Variants in MAGI1 observed in about 807,000 individuals in gnomAD.
MAGI1 encodes the protein membrane-associated guanylate kinase, WW and PDZ domain-containing protein 1.
MAGI1 carries 58 observed loss-of-function variants against 139.9 expected under a neutral mutation model. That is an observed-to-expected ratio of 0.41 (90% CI 0.34 to 0.52). The LOEUF (loss-of-function observed/expected upper bound fraction) is 0.52. Among genes scored for constraint, MAGI1 ranks in the 20% least tolerant of loss-of-function variants. The pLI is 0.12. For missense variants in MAGI1, 1,874 were observed against 1,901.6 expected (o/e 0.99, Z 0.27); for synonymous variants, 812 against 737.9 (o/e 1.10, Z -1.63).
chr3:65,627,782 A>AG (rs1296452542), intron 1 of MAGI1, among the ~76,000 whole-genome samples: 2 of 151,992 alleles, frequency 1.3e-5, no homozygotes, highest in African/African-American at 4.8e-5. Flanking sequence ...CTAGGATTAC[A>AG]GGCTTGAGCC....
intron 1 of MAGI1, among the ~76,000 whole-genome samples, chr3:65,959,780 C>T (rs1449787162): frequency 7.8e-6 from 1 of 128,402 alleles, no homozygotes; most frequent in Non-Finnish European, 1.6e-5. Context: ...TCTTAATGGA[C>T]AAATAAATAA....
intron 2 of MAGI1, among the ~76,000 whole-genome samples, chr3:65,568,478 C>T (rs1355074175): frequency 6.6e-6 from 1 of 152,136 alleles, no homozygotes; most frequent in African/African-American, 2.4e-5. Context: ...GGAGTCACTG[C>T]GTATGAGCAA....
chr3:65,534,987 C>T (rs540167007), intron 2 of MAGI1, among the ~76,000 whole-genome samples: 3 of 152,118 alleles, frequency 2.0e-5, no homozygotes, highest in Non-Finnish European at 4.4e-5. Flanking sequence ...ATGTGGGGGA[C>T]AAGGCACCAT....
intron 1 of MAGI1, among the ~76,000 whole-genome samples, chr3:65,635,222 A>G (rs1187610922): frequency 3.9e-5 from 6 of 151,928 alleles, no homozygotes; most frequent in Non-Finnish European, 8.8e-5. Context: ...GTGCCACCAC[A>G]TCCAGCTAAT....
intron 12 of MAGI1, among the ~76,000 whole-genome samples, chr3:65,409,072 G>T (rs76967205): frequency 3.9e-5 from 6 of 152,168 alleles, no homozygotes; most frequent in Non-Finnish European, 5.9e-5. Flanking sequence ...TGAAGAGACC[G>T]TATTTGAGCT....
Position 66,038,391 on chromosome 3 carries a change from C to A in MAGI1, c.-83G>T. 6.7e-7 allele frequency: 1 copy of A among 1,488,468 alleles called. No individual in the cohort carries two copies. The highest frequency in any genetic ancestry group is 1.4e-5 in the South Asian group (1 of 73,670). 92.2% of individuals were successfully genotyped at this position (1,488,468 alleles called of 1,614,324 possible). On this transcript the variant is annotated 5_prime_UTR_variant, in exon 1 of 23. It removes an upstream start codon present in the reference 5' UTR. Transcript: ENST00000402939. ...ACGAGCCCCCAAGCCTCCGCTTGTT[C>A]ATGGGAGAAACATCTCTCCCCAAAT...
chr3:65,705,590 C>CA (rs1175959054), intron 1 of MAGI1, among the ~76,000 whole-genome samples: 1 of 152,232 alleles, frequency 6.6e-6, no homozygotes, highest in African/African-American at 2.4e-5. Context: ...ATGAGTATCA[C>CA]ATTCAATTGC....
At chr3:65,996,888 GCTT>G (rs1339414013) in intron 1 of MAGI1, among the ~76,000 whole-genome samples, 1 of 152,184 alleles carries the variant, frequency 6.6e-6, no homozygotes, top group African/African-American at 2.4e-5. Flanking sequence ...TAGCATACTT[GCTT>G]CTTAACAAGC....
intron 9 of MAGI1, 38 bp from the exon 10 acceptor site, chr3:65,437,285 A>C (rs576096914): frequency 7.4e-7 from 1 of 1,358,462 alleles, no homozygotes; most frequent in African/African-American, 1.4e-5. Context: ...TTTTTCCTTC[A>C]AATGGCTCAT....
At chr3:65,912,124 T>C (rs2061695582) in intron 1 of MAGI1, among the ~76,000 whole-genome samples, 1 of 151,834 alleles carries the variant, frequency 6.6e-6, no homozygotes, top group Non-Finnish European at 1.5e-5. Flanking sequence ...CGAGTCTAGA[T>C]ATGAAACTCT....
At chr3:65,502,822 C>G (rs143493342) in intron 2 of MAGI1, among the ~76,000 whole-genome samples, 1 of 152,170 alleles carries the variant, frequency 6.6e-6, no homozygotes, top group East Asian at 1.9e-4. Flanking sequence ...GAAACAATTC[C>G]AATGTGAAAA....
intron 3 of MAGI1, among the ~76,000 whole-genome samples, chr3:65,488,360 A>T (rs1951761459): frequency 6.6e-6 from 1 of 151,974 alleles, no homozygotes; most frequent in South Asian, 2.1e-4. Context: ...TTTTTGAGAC[A>T]GGGTCTCACT....
At chr3:65,454,975 C>T (rs1319034285) in intron 5 of MAGI1, among the ~76,000 whole-genome samples, 2 of 151,986 alleles carry the variant, frequency 1.3e-5, no homozygotes, top group Admixed American at 1.3e-4. Flanking sequence ...CTAAGGACAC[C>T]CTGCTGAGAC....
At chr3:65,360,050 C>T (rs909157953) in intron 22 of MAGI1, 1 of 985,348 alleles carries the variant, frequency 1.0e-6, no homozygotes, top group Non-Finnish European at 1.2e-6. Flanking sequence ...CTAATACCCA[C>T]CCTCCCCCTG....
chr3:65,858,313 G>A (rs542260169), intron 1 of MAGI1, among the ~76,000 whole-genome samples: 1 of 152,216 alleles, frequency 6.6e-6, no homozygotes, highest in East Asian at 1.9e-4. Flanking sequence ...GACATAATAC[G>A]AAGTGATGTT....
At chr3:65,892,835 G>T (rs1204406555) in intron 1 of MAGI1, among the ~76,000 whole-genome samples, 1 of 152,130 alleles carries the variant, frequency 6.6e-6, no homozygotes, top group East Asian at 1.9e-4. Context: ...ACAATGACAG[G>T]AAATAGGAAA....
At chr3:65,803,395 CTGACTA>C (rs1232211084) in intron 1 of MAGI1, among the ~76,000 whole-genome samples, 2 of 152,028 alleles carry the variant, frequency 1.3e-5, no homozygotes, top group African/African-American at 4.8e-5. Context: ...TACATGCTTA[CTGACTA>C]TAAATAAAAG....
intron 1 of MAGI1, among the ~76,000 whole-genome samples, chr3:65,781,037 A>G (rs1442736016): frequency 6.6e-6 from 1 of 152,124 alleles, no homozygotes; most frequent in Admixed American, 6.6e-5. Flanking sequence ...CTCTACTAAA[A>G]ATATAAAACT....
In MAGI1 at chr3:65,430,861, T is replaced by G. The variant is rs1326962952; in HGVS notation, c.1384A>C (p.Asn462His). Residue 462 changes from asparagine to histidine, a missense_variant, in exon 11 of 23, where the codon AAC becomes CAC. Around this residue, in one of 5 missense-constraint regions of MAGI1, gnomAD observed 648 missense variants for 598.1 expected, o/e 1.08. Coordinates refer to ENST00000402939, the MANE Select transcript of MAGI1 (RefSeq NM_001033057.2). ...PLQGKPFFTR[N>H]PSELKGKFIH... ...AACTTGCCTTTCAACTCAGAAGGGTTTCGTGTAAAAAAGGGTTTGCCTGGA... is the reference window on the plus strand; with the variant it reads ...AACTTGCCTTTCAACTCAGAAGGGTGTCGTGTAAAAAAGGGTTTGCCTGGA... 1.2e-6 allele frequency: 2 copies of G among 1,613,166 alleles called. No individual in the cohort carries two copies. The highest frequency in any genetic ancestry group is 2.2e-5 in the South Asian group (2 of 91,028).
Sources: allele counts gnomAD v4.1 joint callset (sites outside exome capture counted in the v4.1 genomes callset), GRCh38; gene constraint gnomAD v4.1.1; regional missense constraint gnomAD v4.1.1; transcripts MANE v1.5; gene names NCBI Gene and HGNC (gene_info 2026-07-23, HGNC 2026-07-21).